GSE1: variants seen among roughly 807,000 people sequenced by gnomAD.
GSE1 encodes genetic suppressor element 1.
GSE1 carries 32 observed loss-of-function variants against 112.6 expected under a neutral mutation model. The observed-to-expected ratio is 0.28, with a 90% confidence interval of 0.21 to 0.38. The LOEUF (loss-of-function observed/expected upper bound fraction) is 0.38. Ranked by LOEUF, GSE1 falls within the 10% of genes least tolerant of loss-of-function variation. The pLI, the probability that GSE1 is intolerant of heterozygous loss-of-function variation, is 1.00. For synonymous variants in GSE1, 1,115 were observed against 735.6 expected (o/e 1.52, Z -8.35); for missense variants, 2,348 against 1,699.2 (o/e 1.38, Z -6.71).
chr16:85,307,838 G>C (rs896211942), intron 1 of GSE1, among the ~76,000 whole-genome samples: 5 of 152,152 alleles, frequency 3.3e-5, no homozygotes, highest in African/African-American at 1.2e-4. Flanking sequence ...CTCATCAGGC[G>C]GGACTCTTCA....
chr16:85,654,758 A>C (rs1598615947), intron 4 of GSE1, 36 bp from the exon 5 acceptor site: 1 of 1,375,300 alleles, frequency 7.3e-7, no homozygotes, highest in South Asian at 1.2e-5. Flanking sequence ...GTGTGCACTC[A>C]CCTGTCCCCA....
Position 85,396,978 on chromosome 16 carries a change from G to A in GSE1, c.2464+39335G>A, listed in dbSNP as rs76399399. ...GAGAACAGAGTGACAGGTCCAGAGA[G>A]AGAGAGCAAACGTGAAAAGCAGAGC... is the stretch of plus-strand genomic sequence containing the variant. On this transcript the variant is annotated intron_variant, in intron 2 of 2. Coordinates refer to the GSE1 transcript ENST00000637419. Among the ~76,000 whole-genome samples the A allele has an allele frequency of 4.7e-3, 719 of 152,340 alleles. 4 individuals carry two copies. The highest frequency in any genetic ancestry group is 0.017 in the African/African-American group (692 of 41,574).
intron 3 of GSE1, among the ~76,000 whole-genome samples, chr16:85,650,684 C>T (rs1057214706): frequency 4.6e-5 from 7 of 152,170 alleles, no homozygotes; most frequent in African/African-American, 1.4e-4. Flanking sequence ...CCAGGGAAGG[C>T]GCGGGGCCGG....
chr16:85,253,214 G>A (rs1043914473), intron 1 of GSE1, among the ~76,000 whole-genome samples: 5 of 152,136 alleles, frequency 3.3e-5, no homozygotes, highest in East Asian at 3.9e-4. Flanking sequence ...GGCCTGCCTC[G>A]CCGCCGGCGA....
chr16:85,634,288 C>T (rs1175459576), intron 2 of GSE1, among the ~76,000 whole-genome samples, 156 bp downstream of exon 2: 2 of 152,276 alleles, frequency 1.3e-5, no homozygotes, highest in African/African-American at 4.8e-5. Context: ...GCTACAGACC[C>T]TGGGCCAGTC....
chr16:85,327,228 G>A (rs940407312), intron 1 of GSE1, among the ~76,000 whole-genome samples: 1 of 152,166 alleles, frequency 6.6e-6, no homozygotes, highest in African/African-American at 2.4e-5. Flanking sequence ...CAAGGCACCC[G>A]CCACTTCTAC....
intron 1 of GSE1, among the ~76,000 whole-genome samples, chr16:85,282,279 G>A (rs2044879710): frequency 6.6e-6 from 1 of 152,192 alleles, no homozygotes; most frequent in Non-Finnish European, 1.5e-5. Context: ...AGCCGCCTCG[G>A]TCTCCCAAAG....
intron 1 of GSE1, among the ~76,000 whole-genome samples, chr16:85,272,921 C>G (rs985475983): frequency 2.0e-5 from 3 of 152,092 alleles, no homozygotes; most frequent in African/African-American, 7.2e-5. Context: ...GGATTACAGG[C>G]ATGCACTATT....
intron 1 of GSE1, among the ~76,000 whole-genome samples, chr16:85,205,839 C>T (rs1022256017): frequency 6.6e-6 from 1 of 152,304 alleles, no homozygotes; most frequent in Admixed American, 6.5e-5. Flanking sequence ...GGTGACACGG[C>T]TGCCTGACTC....
At chr16:85,201,338 GTTTTTTT>G (rs11297737) in intron 1 of GSE1, among the ~76,000 whole-genome samples, 1 of 136,792 alleles carries the variant, frequency 7.3e-6, no homozygotes, top group Admixed American at 7.3e-5. Flanking sequence ...TCCCTTTGGT[GTTTTTTT>G]TTTTTTTTTG....
chr16:85,671,546 C>G (rs1047026543), intron 15 of GSE1, among the ~76,000 whole-genome samples: 3 of 151,862 alleles, frequency 2.0e-5, no homozygotes, highest in African/African-American at 7.3e-5. Context: ...CCCAGGAGTT[C>G]AAGGCTGCAG....
At chr16:85,220,868 A>C (rs73257920) in intron 1 of GSE1, among the ~76,000 whole-genome samples, 112 of 151,562 alleles carry the variant, frequency 7.4e-4, no homozygotes, top group African/African-American at 2.6e-3. Context: ...TTTCCGTTGC[A>C]GGAAACCTTC....
chr16:85,623,347 G>A (rs2048860577), intron 1 of GSE1, among the ~76,000 whole-genome samples: 1 of 151,950 alleles, frequency 6.6e-6, no homozygotes, highest in Admixed American at 6.6e-5. Flanking sequence ...CCAAAGCGCT[G>A]GGATTATAGG....
chr16:85,529,510 T>C (rs1282320261), intron 2 of GSE1, among the ~76,000 whole-genome samples: 2 of 152,256 alleles, frequency 1.3e-5, no homozygotes, highest in Admixed American at 1.3e-4. Context: ...ACCCTGGGTC[T>C]GTGCTCCCCC....
chr16:85,322,617 T>C (rs967465466), intron 1 of GSE1, among the ~76,000 whole-genome samples: 2 of 124,504 alleles, frequency 1.6e-5, no homozygotes, highest in African/African-American at 7.0e-5. Context: ...CATTTTGCTT[T>C]TTTTTTTTTT....
intron 2 of GSE1, among the ~76,000 whole-genome samples, chr16:85,457,105 T>C (rs2049849349): frequency 6.6e-6 from 1 of 152,134 alleles, no homozygotes; most frequent in South Asian, 2.1e-4. Flanking sequence ...AGCCAGGCAG[T>C]TCCTGCCTCC....
At chr16:85,342,219 C>T (rs13337954) in intron 1 of GSE1, among the ~76,000 whole-genome samples, 107,560 of 152,124 alleles carry the variant, frequency 0.71, 38,563 homozygotes, top group East Asian at 0.91. Context: ...TTAACTCACA[C>T]TGTAGCCAGT....
intron 2 of GSE1, among the ~76,000 whole-genome samples, chr16:85,471,924 C>T (rs1236260281): frequency 1.3e-5 from 2 of 152,202 alleles, no homozygotes; most frequent in African/African-American, 4.8e-5. Flanking sequence ...CTGTGGTGGC[C>T]CCTCATGGGG....
intron 1 of GSE1, among the ~76,000 whole-genome samples, chr16:85,293,153 T>TC (rs2151443753): frequency 6.6e-6 from 1 of 152,042 alleles, no homozygotes; most frequent in Admixed American, 6.6e-5. Context: ...TCGGCTTTTG[T>TC]CCCCCCATCG....
Sources: gnomAD v4.1 joint callset for allele counts (sites outside exome capture counted in the v4.1 genomes callset) on GRCh38, gnomAD v4.1.1 for gene constraint, MANE v1.5 for transcripts, NCBI Gene and HGNC (gene_info 2026-07-23, HGNC 2026-07-21) for gene names.